The following NDUFAF6 variants were observed in gnomAD, a reference collection of about 807,000 sequenced individuals.
The protein encoded by NDUFAF6 is NADH dehydrogenase (ubiquinone) complex I, assembly factor 6.
In NDUFAF6, 45 loss-of-function variants were observed where a neutral mutation model predicts 40.8. The ratio of observed to expected loss-of-function variants is 1.10; its 90% CI spans 0.87 to 1.42. The LOEUF (loss-of-function observed/expected upper bound fraction) is 1.42. Among genes scored for constraint, NDUFAF6 ranks in the 40% most tolerant of loss-of-function variants. The pLI, the probability that NDUFAF6 is intolerant of heterozygous loss-of-function variation, is 0.00. For synonymous variants in NDUFAF6, 185 were observed against 155.9 expected (o/e 1.19, Z -1.39); for missense variants, 435 against 418.5 (o/e 1.04, Z -0.34).
chr8:94,946,257 G>A (rs1821979197), intron 2 of NDUFAF6, among the ~76,000 whole-genome samples: 1 of 152,138 alleles, frequency 6.6e-6, no homozygotes, highest in South Asian at 2.1e-4. Flanking sequence ...GCAGAGAAAG[G>A]TGGCTGACTG....
chr8:94,970,540 A>G (rs1824382064), intron 1 of NDUFAF6, among the ~76,000 whole-genome samples: 1 of 152,074 alleles, frequency 6.6e-6, no homozygotes, highest in Non-Finnish European at 1.5e-5. Flanking sequence ...ATAGTGAGCC[A>G]TGATCTTGCC....
upstream of NDUFAF6, among the ~76,000 whole-genome samples, chr8:95,021,779 G>T (rs1432701058): frequency 6.6e-6 from 1 of 152,026 alleles, no homozygotes; most frequent in African/African-American, 2.4e-5. Flanking sequence ...CTGATATCTG[G>T]GAGCCATCAT....
chr8:94,956,187 A>G (rs766750370), upstream of NDUFAF6, among the ~76,000 whole-genome samples: 1 of 152,194 alleles, frequency 6.6e-6, no homozygotes, highest in Non-Finnish European at 1.5e-5. Context: ...AATGCATGTA[A>G]GCATTTAATA....
intron 1 of NDUFAF6, among the ~76,000 whole-genome samples, chr8:94,971,068 T>G (rs1229971971): frequency 6.6e-6 from 1 of 152,202 alleles, no homozygotes; most frequent in Non-Finnish European, 1.5e-5. Flanking sequence ...GCATCTATGA[T>G]CCGAAAAACT....
At chr8:94,983,369 AT>A (rs1825603507) in intron 2 of NDUFAF6, among the ~76,000 whole-genome samples, 1 of 149,600 alleles carries the variant, frequency 6.7e-6, no homozygotes, top group African/African-American at 2.5e-5. Context: ...GGCTCAAGCA[AT>A]TCTCCTGTCT....
At chr8:95,011,107 G>T (rs1045230468) in intron 2 of NDUFAF6, among the ~76,000 whole-genome samples, 1 of 152,182 alleles carries the variant, frequency 6.6e-6, no homozygotes, top group African/African-American at 2.4e-5. Context: ...AGCTGTAAAC[G>T]GGAGGCTGTC....
At chr8:94,924,991 C>G (rs1819770595) in intron 1 of NDUFAF6, among the ~76,000 whole-genome samples, 1 of 152,206 alleles carries the variant, frequency 6.6e-6, no homozygotes, top group Non-Finnish European at 1.5e-5. Context: ...GACCCACTTG[C>G]CTCAACTTCC....
At chr8:94,997,341 CACAGAGAGAG>C (rs1245405247) in intron 2 of NDUFAF6, among the ~76,000 whole-genome samples, 6 of 91,864 alleles carry the variant, frequency 6.5e-5, no homozygotes, top group Non-Finnish European at 1.1e-4. Flanking sequence ...CACACACACA[CACAGAGAGAG>C]AGAGAGAGAG....
At chr8:95,106,588 G>A (rs1414235732), downstream of NDUFAF6, among the ~76,000 whole-genome samples, 2 of 152,080 alleles carry the variant, frequency 1.3e-5, no homozygotes, top group Admixed American at 6.6e-5. Context: ...ACTTCATAAC[G>A]AAAACACCAA....
intron 1 of NDUFAF6, among the ~76,000 whole-genome samples, chr8:94,902,313 G>A (rs2956217): frequency 0.052 from 7,844 of 151,732 alleles, 251 homozygotes; most frequent in Middle Eastern, 0.062. Flanking sequence ...CAGTCACTCC[G>A]GAAGCTAAGG....
chr8:95,007,659 GTTTT>G (rs553474402), intron 2 of NDUFAF6, among the ~76,000 whole-genome samples: 1 of 103,786 alleles, frequency 9.6e-6, no homozygotes, highest in Non-Finnish European at 1.9e-5. Flanking sequence ...GTGAGGCTCT[GTTTT>G]TTTTTTTTTT....
chr8:94,907,056 G>A (rs1239034048), intron 1 of NDUFAF6, among the ~76,000 whole-genome samples: 1 of 152,174 alleles, frequency 6.6e-6, no homozygotes, highest in Non-Finnish European at 1.5e-5. Flanking sequence ...AGTCCTTCAT[G>A]AAGCTTTCCT....
intron 2 of NDUFAF6, among the ~76,000 whole-genome samples, chr8:95,033,712 A>T (rs1829136559): frequency 6.6e-6 from 1 of 152,192 alleles, no homozygotes; most frequent in Non-Finnish European, 1.5e-5. Flanking sequence ...ATTGGAGCAG[A>T]GATCTGAAGG....
intron 1 of NDUFAF6, among the ~76,000 whole-genome samples, chr8:94,977,815 A>AG (rs1428822764): frequency 6.6e-6 from 1 of 152,056 alleles, no homozygotes; most frequent in Non-Finnish European, 1.5e-5. Context: ...TAACTGATGA[A>AG]CAGTTAAGTC....
chr8:94,974,305 G>A (rs896727329), intron 1 of NDUFAF6, among the ~76,000 whole-genome samples: 2 of 151,698 alleles, frequency 1.3e-5, no homozygotes, highest in Non-Finnish European at 1.5e-5. Flanking sequence ...TGGAAGACAC[G>A]GAAAAATATA....
chr8:95,042,976 A>G (rs1400764843), intron 4 of NDUFAF6, among the ~76,000 whole-genome samples: 1 of 152,216 alleles, frequency 6.6e-6, no homozygotes, highest in African/African-American at 2.4e-5. Context: ...CCATATACAA[A>G]AATGAACTCA....
Position 94,900,895 on chromosome 8 carries a change from A to G in NDUFAF6, c.-936+4968A>G, listed in dbSNP as rs527896677. ...TTTTATTTAGTTCATTCATTAATTC[A>G]ACAACAGTAGGGCACAGTAAAGCAA... On this transcript the variant is annotated intron_variant, in intron 1 of 14. Coordinates refer to the NDUFAF6 transcript ENST00000396113. Among the ~76,000 whole-genome samples the G allele has an allele frequency of 5.3e-5, 8 of 152,314 alleles. No individual in the cohort carries two copies. The South Asian group carries it at 1.7e-3, about 32-fold the overall frequency.
chr8:94,910,150 G>GT (rs1449012342), intron 1 of NDUFAF6, among the ~76,000 whole-genome samples: 5 of 151,664 alleles, frequency 3.3e-5, no homozygotes, highest in Non-Finnish European at 5.9e-5. Flanking sequence ...TTTTTTGTTT[G>GT]TTTTTTTGGT....
At chr8:95,023,174 G>A (rs1306632702), upstream of NDUFAF6, 1 of 152,104 alleles carries the variant, frequency 6.6e-6, no homozygotes, top group African/African-American at 2.4e-5. Context: ...TATTAGTGAA[G>A]CAACTTTCCC....
Sources: allele counts gnomAD v4.1 joint callset (sites outside exome capture counted in the v4.1 genomes callset), GRCh38; gene constraint gnomAD v4.1.1; transcripts MANE v1.5; gene names NCBI Gene and HGNC (gene_info 2026-07-23, HGNC 2026-07-21).